Variants in CADPS2 observed in about 807,000 individuals in gnomAD.
CADPS2 encodes the protein calcium dependent secretion activator 2, also known as calcium-dependent secretion activator 2.
In CADPS2, 93 loss-of-function variants were observed where a neutral mutation model predicts 172.5. The ratio of observed to expected loss-of-function variants is 0.54; its 90% CI spans 0.46 to 0.64. The LOEUF is 0.64. Among genes scored for constraint, CADPS2 ranks in the 30% least tolerant of loss-of-function variants. The pLI, the probability that CADPS2 is intolerant of heterozygous loss-of-function variation, is 0.00. For synonymous variants in CADPS2, 546 were observed against 555.2 expected (o/e 0.98, Z 0.23); for missense variants, 1,420 against 1,565.9 (o/e 0.91, Z 1.57).
At chr7:122,791,659 A>C (rs1382363105) in intron 1 of CADPS2, among the ~76,000 whole-genome samples, 1 of 152,202 alleles carries the variant, frequency 6.6e-6, no homozygotes, top group Non-Finnish European at 1.5e-5. Flanking sequence ...CACAGGATAA[A>C]AGAATTTTTA....
chr7:122,884,138 T>A (rs1823667004), intron 1 of CADPS2, among the ~76,000 whole-genome samples: 1 of 152,196 alleles, frequency 6.6e-6, no homozygotes, highest in Non-Finnish European at 1.5e-5. Context: ...GAAAATAGTC[T>A]CTTAATTTTA....
chr7:122,636,518 T>C (rs867677852), intron 3 of CADPS2, among the ~76,000 whole-genome samples: 54 of 137,794 alleles, frequency 3.9e-4, no homozygotes, highest in African/African-American at 1.4e-3. Flanking sequence ...CAGGCTGGAG[T>C]GCAATGGTGC....
intron 28 of CADPS2, chr7:122,330,941 T>C (rs1017102407): frequency 6.6e-6 from 1 of 152,228 alleles, no homozygotes; most frequent in Non-Finnish European, 1.5e-5. Flanking sequence ...TATATGAATC[T>C]ATCTTTAAAA....
At chr7:122,519,258 C>T (rs891253170) in intron 8 of CADPS2, among the ~76,000 whole-genome samples, 1 of 152,048 alleles carries the variant, frequency 6.6e-6, no homozygotes, top group Non-Finnish European at 1.5e-5. Context: ...CATCACAATA[C>T]TCAGGTAACT....
chr7:122,799,950 T>C (rs889551449), intron 1 of CADPS2, among the ~76,000 whole-genome samples: 4 of 152,234 alleles, frequency 2.6e-5, no homozygotes, highest in Non-Finnish European at 5.9e-5. Context: ...TATGTGACTG[T>C]TGAAAGCCTG....
intron 2 of CADPS2, among the ~76,000 whole-genome samples, chr7:122,695,617 C>T (rs963653098): frequency 2.6e-5 from 4 of 152,098 alleles, no homozygotes; most frequent in Non-Finnish European, 4.4e-5. Context: ...GCAGACAGTT[C>T]CCATTTTCAC....
chr7:122,792,807 C>T (rs1363334130), intron 1 of CADPS2, among the ~76,000 whole-genome samples: 2 of 152,156 alleles, frequency 1.3e-5, no homozygotes, highest in Non-Finnish European at 2.9e-5. Context: ...AAACAGCTAA[C>T]AGCAAAGCAT....
intron 2 of CADPS2, among the ~76,000 whole-genome samples, chr7:122,721,934 C>CA (rs749083895): frequency 1.4e-4 from 21 of 152,094 alleles, no homozygotes; most frequent in Non-Finnish European, 2.5e-4. Flanking sequence ...GAACCAAAGA[C>CA]AAAAAACACA....
At chr7:122,750,586 C>T (rs1378019988) in intron 1 of CADPS2, among the ~76,000 whole-genome samples, 1 of 152,094 alleles carries the variant, frequency 6.6e-6, no homozygotes, top group African/African-American at 2.4e-5. Context: ...TCTGAAAAAG[C>T]AGCTCAAAGG....
Position 122,499,892 on chromosome 7 carries a change from C to G in CADPS2, c.1543-8472G>C, listed in dbSNP as rs116702506. Among the ~76,000 whole-genome samples, 1,191 of 152,134 alleles carry G rather than the reference C, an allele frequency of 7.8e-3. 18 individuals carry two copies. Among genetic ancestry groups the G allele is most frequent in the African/African-American group, 0.027 (1,126 of 41,510 alleles). On this transcript the variant is annotated intron_variant, in intron 9 of 29. Transcript: ENST00000449022. ...TCTTATTTGGAAGAATCTTAAAAAC[C>G]TGACTAAAAAAAGTCACCTGACACA...
chr7:122,812,297 T>C (rs17144935), intron 1 of CADPS2, among the ~76,000 whole-genome samples: 292 of 152,078 alleles, frequency 1.9e-3, no homozygotes, highest in African/African-American at 6.8e-3. Flanking sequence ...TGTAAAACTT[T>C]GAACAATGCT....
At chr7:122,513,934 G>A (rs779754359) in intron 8 of CADPS2, among the ~76,000 whole-genome samples, 3 of 152,166 alleles carry the variant, frequency 2.0e-5, no homozygotes, top group East Asian at 1.9e-4. Context: ...TGATAGTAAC[G>A]AAGATGCCAT....
At chr7:122,729,588 G>A (rs1302571065) in intron 2 of CADPS2, among the ~76,000 whole-genome samples, 3 of 148,500 alleles carry the variant, frequency 2.0e-5, no homozygotes, top group African/African-American at 7.4e-5. Flanking sequence ...ATATTTCATT[G>A]TGGTTTTTAT....
chr7:122,850,668 C>A (rs1447539835), intron 1 of CADPS2, among the ~76,000 whole-genome samples: 1 of 152,172 alleles, frequency 6.6e-6, no homozygotes, highest in South Asian at 2.1e-4. Flanking sequence ...TCTGGGGGTC[C>A]CCCATCCCCA....
chr7:122,720,794 C>T (rs75144481), intron 2 of CADPS2, among the ~76,000 whole-genome samples: 4,118 of 151,794 alleles, frequency 0.027, 82 homozygotes, highest in African/African-American at 0.057. Flanking sequence ...ATAGAAACAA[C>T]GATGAGAGTT....
At chr7:122,326,180 T>C (rs1384695070) in intron 28 of CADPS2, among the ~76,000 whole-genome samples, 2 of 151,896 alleles carry the variant, frequency 1.3e-5, no homozygotes, top group African/African-American at 4.8e-5. Context: ...TAAAGATTTA[T>C]TGAGATCTTA....
intron 1 of CADPS2, among the ~76,000 whole-genome samples, chr7:122,753,269 C>T (rs903191549): frequency 1.3e-5 from 2 of 152,170 alleles, no homozygotes; most frequent in African/African-American, 4.8e-5. Flanking sequence ...TTCATTCTCA[C>T]ATTATTCATT....
chr7:122,812,022 T>G (rs1218128632), intron 1 of CADPS2, among the ~76,000 whole-genome samples: 1 of 151,596 alleles, frequency 6.6e-6, no homozygotes, highest in Non-Finnish European at 1.5e-5. Flanking sequence ...GGAATTCACC[T>G]ATTTTTTTTT....
chr7:122,393,390 G>T, intron 21 of CADPS2, 51 bp downstream of exon 21: 1 of 1,613,190 alleles, frequency 6.2e-7, no homozygotes, highest in East Asian at 2.2e-5. Flanking sequence ...GAAGTCATAA[G>T]GTCAGGGTTG....
Sources: allele counts gnomAD v4.1 joint callset (sites outside exome capture counted in the v4.1 genomes callset), GRCh38; gene constraint gnomAD v4.1.1; transcripts MANE v1.5; gene names NCBI Gene and HGNC (gene_info 2026-07-23, HGNC 2026-07-21).